Variants in ZP2 observed in about 807,000 individuals in gnomAD.
ZP2 encodes the protein zona pellucida sperm-binding protein 2.
ZP2 carries 51 observed loss-of-function variants against 84.0 expected under a neutral mutation model. The ratio of observed to expected loss-of-function variants is 0.61; its 90% CI spans 0.49 to 0.77. The LOEUF (loss-of-function observed/expected upper bound fraction) is 0.77. Ranked by LOEUF, ZP2 falls within the 30% of genes least tolerant of loss-of-function variation. The probability of loss-of-function intolerance (pLI) is 0.00; values close to 1 mark genes in which losing one functional copy is unlikely to be tolerated. For synonymous variants in ZP2, 375 were observed against 330.9 expected (o/e 1.13, Z -1.45); for missense variants, 909 against 911.9 (o/e 1.00, Z 0.04).
intron 14 of ZP2, 151 bp from the exon 15 acceptor site, chr16:21,200,029 C>T (rs558778123): frequency 6.7e-5 from 62 of 930,918 alleles, no homozygotes; most frequent in Non-Finnish European, 9.3e-5. Flanking sequence ...CATTTCTTAC[C>T]TGACCTATAA....
At chr16:21,207,989 G>A (rs1379689141) in intron 4 of ZP2, among the ~76,000 whole-genome samples, 4 of 152,218 alleles carry the variant, frequency 2.6e-5, no homozygotes, top group African/African-American at 9.6e-5. Flanking sequence ...GAAGGCTGAG[G>A]TGGGAGGATC....
intron 5 of ZP2, among the ~76,000 whole-genome samples, chr16:21,206,231 A>T (rs1218591703): frequency 6.6e-6 from 1 of 152,182 alleles, no homozygotes; most frequent in Non-Finnish European, 1.5e-5. Context: ...TCCTGACCTC[A>T]GGTGATCCAC....
At chr16:21,203,082 G>T in intron 10 of ZP2, 43 bp downstream of exon 10, 1 of 1,600,868 alleles carries the variant, frequency 6.2e-7, no homozygotes, top group South Asian at 1.1e-5. Context: ...CAAGAGCCAA[G>T]GGAGAAAAAA....
At chr16:21,205,365 A>G (rs72782822) in intron 7 of ZP2, 55 bp downstream of exon 7, 997 of 1,585,086 alleles carry the variant, frequency 6.3e-4, no homozygotes, top group Non-Finnish European at 7.8e-4. Context: ...TCATGCTTCA[A>G]TTTAGGAATA....
At chr16:21,198,073 A>T in intron 17 of ZP2, 1 of 472,534 alleles carries the variant, frequency 2.1e-6, no homozygotes, top group Non-Finnish European at 3.7e-6. Flanking sequence ...TTTGACTACT[A>T]TACAAGAAAT....
intron 9 of ZP2, 32 bp from the exon 10 acceptor site, chr16:21,203,283 AG>A (rs1567213790): frequency 6.2e-7 from 1 of 1,610,252 alleles, no homozygotes; most frequent in East Asian, 2.2e-5. Context: ...TAGCAGCCAC[AG>A]TCCGTTGGGG....
chr16:21,205,453 C>T lies in ZP2; in HGVS notation c.660G>A (p.Val220=), dbSNP rs776862102. The T allele has an allele frequency of 5.0e-6, 8 of 1,614,132 alleles. No homozygotes were observed. In the East Asian group the frequency reaches 6.7e-5, roughly 13 times the overall value. The change falls in exon 7 of 19, where the codon GTG becomes GTA. Residue 220 remains valine, a synonymous_variant. Transcript: ENST00000574091. ...GAGTCACTCCAGTGGCATTGAATGG[C>T]ACATGGAAGGTCATCCTGTGGTTGT... ...LIDNHRMTFH[V]PFNATGVTHY...
intron 14 of ZP2, 33 bp from the exon 15 acceptor site, chr16:21,199,911 CAT>C: frequency 4.3e-6 from 7 of 1,609,870 alleles, no homozygotes; most frequent in Non-Finnish European, 5.9e-6. Flanking sequence ...GGATGTCAGT[CAT>C]ATGCATCTTG....
Position 21,201,777 on chromosome 16 carries a change from A to G in ZP2, c.1433T>C (p.Val478Ala). Residue 478 changes from valine (V) to alanine (A), a missense_variant, in exon 13 of 19, where the codon GTT becomes GCT. Coordinates refer to ENST00000574091, the MANE Select transcript of ZP2 (RefSeq NM_001376232.1). The part of the protein sequence containing the change: ...SRNDMLLNIN[V>A]ESLTPPVASV... ...GGCCACTGGAGGAGTAAGGCTTTCA[A>G]CGTTGATGTTTAGTAGCATGTCATT... 3.1e-6 allele frequency: 5 copies of G among 1,614,144 alleles called. No homozygotes were observed. The highest frequency in any genetic ancestry group is 4.2e-6 in the Non-Finnish European group (5 of 1,180,012).
Position 21,209,657 on chromosome 16 carries a change from T to A in ZP2, c.304A>T (p.Thr102Ser). Residue 102 changes from threonine (T) to serine (S), a missense_variant, in exon 4 of 19, where the codon ACC becomes TCC. Physicochemically the swap from Thr to Ser is moderately conservative, Grantham distance 58. Transcript: ENST00000574091. ...ACTCTCCTGGTACAGTTATCATAGG[T>A]AGCCCTCAGGGTGAGCTTTTCTGGG... ...LDPEKLTLRA[T>S]YDNCTRRVHG... The A allele has an allele frequency of 6.2e-7, 1 of 1,614,166 alleles. No homozygotes were observed. The highest frequency in any genetic ancestry group is 8.5e-7 in the Non-Finnish European group (1 of 1,180,006).
chr16:21,203,296 C>A, intron 9 of ZP2, 45 bp from the exon 10 acceptor site: 2 of 1,606,880 alleles, frequency 1.2e-6, no homozygotes, highest in Non-Finnish European at 1.7e-6. Flanking sequence ...CCGTTGGGGC[C>A]CGGAACCGTC....
At chr16:21,206,156 C>T (rs1339316985) in intron 5 of ZP2, among the ~76,000 whole-genome samples, 1 of 152,172 alleles carries the variant, frequency 6.6e-6, no homozygotes, top group Non-Finnish European at 1.5e-5. Flanking sequence ...TACTACCATA[C>T]CCGGCTAGTT....
chr16:21,198,092 A>ATTTTTT (rs34614859), intron 17 of ZP2: 2 of 254,648 alleles, frequency 7.9e-6, no homozygotes, highest in Admixed American at 5.4e-5. Flanking sequence ...ATTCAAGAGG[A>ATTTTTT]TTTTTTTTTT....
chr16:21,203,747 G>A (rs2093236744), intron 9 of ZP2: 1 of 493,338 alleles, frequency 2.0e-6, no homozygotes, highest in Admixed American at 3.3e-5. Flanking sequence ...TATTTGACAA[G>A]TAGTTGCTAC....
intron 1 of ZP2, 38 bp from the exon 2 acceptor site, chr16:21,211,433 C>G (rs759102245): frequency 1.2e-6 from 2 of 1,614,058 alleles, no homozygotes; most frequent in South Asian, 2.2e-5. Context: ...GAAGAATGGA[C>G]TTTAACAAAC....
At chr16:21,200,557 A>G (rs976490771) in intron 14 of ZP2, among the ~76,000 whole-genome samples, 2 of 152,230 alleles carry the variant, frequency 1.3e-5, no homozygotes, top group African/African-American at 4.8e-5. Flanking sequence ...GTAGGACAGG[A>G]CACGGCAGGA....
intron 2 of ZP2, among the ~76,000 whole-genome samples, chr16:21,211,106 C>T (rs1344700034): frequency 2.0e-5 from 3 of 152,072 alleles, no homozygotes. Context: ...GATTGGAAGG[C>T]AGTGCAAGTG....
At chr16:21,211,686 A>T, upstream of ZP2, 1 of 1,555,776 alleles carries the variant, frequency 6.4e-7, no homozygotes, top group Non-Finnish European at 8.7e-7. Flanking sequence ...AAACGGAAGG[A>T]TTGGGGAAGG....
chr16:21,210,170 CCT>C lies in ZP2; in HGVS notation c.172_173del (p.Arg58GlyfsTer46). On this transcript the variant is annotated frameshift_variant, in exon 3 of 19. Transcript: ENST00000574091. LOFTEE classifies it high-confidence loss of function. The part of the protein sequence containing the change: ...AFPGTVTCDE[R>X]EITVEFPSSP... ...TGCTTGGGAACTCCACTGTTATTTCCCTTTCATCGCAAGTGACAGTGCCTAAG... is the reference window on the plus strand; with the variant it reads ...TGCTTGGGAACTCCACTGTTATTTCCTTCATCGCAAGTGACAGTGCCTAAG... 6.2e-7 allele frequency: 1 copy of C among 1,614,000 alleles called. No homozygotes were observed. Among genetic ancestry groups the C allele is most frequent in the Non-Finnish European group, 8.5e-7 (1 of 1,179,990 alleles).
Sources: gnomAD v4.1 joint callset for allele counts (sites outside exome capture counted in the v4.1 genomes callset) on GRCh38, gnomAD v4.1.1 for gene constraint, MANE v1.5 for transcripts, NCBI Gene and HGNC (gene_info 2026-07-23, HGNC 2026-07-21) for gene names.